The following ABCA10 variants were observed in gnomAD, a reference collection of about 807,000 sequenced individuals.
ABCA10 encodes the protein ATP-binding cassette sub-family A member 10.
Under a neutral mutation model 187.5 loss-of-function variants are expected in ABCA10, and 169 were observed. That is an observed-to-expected ratio of 0.90 (90% CI 0.80 to 1.02). ABCA10 has a LOEUF of 1.02. Ranked by LOEUF, ABCA10 falls within the 50% of genes least tolerant of loss-of-function variation. The pLI is 0.00. For missense variants in ABCA10, 1,727 were observed against 1,812.4 expected (o/e 0.95, Z 0.86); for synonymous variants, 574 against 601.8 (o/e 0.95, Z 0.68).
chr17:69,190,584 T>C (rs1437016422), intron 17 of ABCA10, 107 bp from the exon 18 acceptor site: 27 of 1,053,222 alleles, frequency 2.6e-5, no homozygotes, highest in African/African-American at 3.4e-5. Flanking sequence ...AATGTTTTCA[T>C]ATTAAAGCAA....
intron 11 of ABCA10, 78 bp downstream of exon 11, chr17:69,196,986 C>A: frequency 4.0e-6 from 4 of 1,010,196 alleles, no homozygotes; most frequent in Non-Finnish European, 5.5e-6. Flanking sequence ...CTCCGCTTGG[C>A]ATCAGAGGGA....
chr17:69,177,990 ATGT>A (rs1384509462), intron 22 of ABCA10, among the ~76,000 whole-genome samples: 4 of 131,562 alleles, frequency 3.0e-5, no homozygotes, highest in Non-Finnish European at 6.6e-5. Flanking sequence ...ATATATATAT[ATGT>A]TATATATATA....
intron 2 of ABCA10, among the ~76,000 whole-genome samples, chr17:69,225,817 AC>A (rs2074789400): frequency 6.6e-6 from 1 of 152,134 alleles, no homozygotes; most frequent in Non-Finnish European, 1.5e-5. Flanking sequence ...ATTTGAAGCA[AC>A]GTAAGTATAT....
rs1241246384 is a variant in ABCA10 at position 69,216,266 on chromosome 17, G to A, written c.623C>T (p.Thr208Ile). The A allele has an allele frequency of 1.2e-6, 2 of 1,613,618 alleles. No individual in the cohort carries two copies. Among genetic ancestry groups the A allele is most frequent in the Non-Finnish European group, 1.7e-6 (2 of 1,179,740 alleles). ...VITSIPIVFHTGFMVIFTLYS... is the reference protein window; with the variant it reads ...VITSIPIVFHIGFMVIFTLYS... ...GAGTGTGAATATCACCATGAAGCCA[G>A]TATGAAATACAATTGGGATTGATGT... Residue 208 changes from threonine to isoleucine, a missense_variant, in exon 7 of 39, where the codon ACT (threonine) becomes ATT (isoleucine). Coordinates refer to ENST00000690296, the MANE Select transcript of ABCA10 (RefSeq NM_001377321.1).
intron 27 of ABCA10, among the ~76,000 whole-genome samples, chr17:69,157,451 A>C (rs2074183170): frequency 6.6e-6 from 1 of 152,188 alleles, no homozygotes; most frequent in Non-Finnish European, 1.5e-5. Context: ...CCCTCAGGAT[A>C]TTGCTAACAT....
chr17:69,167,298 T>C (rs1339150479), intron 25 of ABCA10, among the ~76,000 whole-genome samples: 1 of 152,110 alleles, frequency 6.6e-6, no homozygotes, highest in African/African-American at 2.4e-5. Context: ...CACACAGTAC[T>C]CTATGGAAAG....
chr17:69,171,327 G>C (rs2074296052), intron 25 of ABCA10, among the ~76,000 whole-genome samples: 1 of 152,106 alleles, frequency 6.6e-6, no homozygotes, highest in Non-Finnish European at 1.5e-5. Context: ...GAACCAAAAA[G>C]AGTTTTGGAA....
chr17:69,152,164 GT>G lies in ABCA10; in HGVS notation c.4275del (p.Gln1425HisfsTer3). 6.2e-7 allele frequency: 1 copy of G among 1,612,130 alleles called. No homozygotes were observed. The highest frequency in any genetic ancestry group is 1.1e-5 in the South Asian group (1 of 90,528). ...SGTLRCIGSI[Q>X]HLKNKFGRDY... ...TCTCTACCAAACTTGTTTTTCAGATGTTGAATGGAACCAATACACCTAGTTC... is the reference window on the plus strand; with the variant it reads ...TCTCTACCAAACTTGTTTTTCAGATGTGAATGGAACCAATACACCTAGTTC... On this transcript the variant is annotated frameshift_variant, in exon 36 of 39. Coordinates refer to ENST00000690296, the MANE Select transcript of ABCA10 (RefSeq NM_001377321.1). LOFTEE classifies it high-confidence loss of function.
chr17:69,159,797 T>C (rs910861764), intron 27 of ABCA10, among the ~76,000 whole-genome samples: 3 of 152,134 alleles, frequency 2.0e-5, no homozygotes, highest in African/African-American at 7.2e-5. Context: ...AAATTTTTAT[T>C]TTAAAATAGA....
intron 11 of ABCA10, 138 bp downstream of exon 11, chr17:69,196,926 A>G (rs1167786927): frequency 1.6e-6 from 1 of 609,782 alleles, no homozygotes; most frequent in African/African-American, 1.9e-5. Flanking sequence ...CGGCAGGAGA[A>G]TCAGGCAGGG....
At position 69,214,817 on chromosome 17, in the gene ABCA10, A is replaced by G; in HGVS notation, c.893T>C (p.Ile298Thr). The change falls in exon 9 of 39, where the codon ATT becomes ACT. Residue 298 changes from isoleucine to threonine, a missense_variant. Ile to Thr is a moderately conservative substitution (Grantham distance 89). Coordinates refer to ENST00000690296, the MANE Select transcript of ABCA10 (RefSeq NM_001377321.1). ...THLDNYLSGV[I>T]FPDPSGDSYK... Reference sequence around the variant, plus strand: ...TGAATCCCCAGAGGGATCAGGAAAAATAACACCACTTAAGTAATTATCCAG... The same window carrying G: ...TGAATCCCCAGAGGGATCAGGAAAAGTAACACCACTTAAGTAATTATCCAG... The G allele has an allele frequency of 6.6e-7, 1 of 1,507,276 alleles. No homozygotes were observed. Among genetic ancestry groups the G allele is most frequent in the Non-Finnish European group, 8.8e-7 (1 of 1,132,652 alleles). 93.4% of individuals were successfully genotyped at this position (1,507,276 alleles called of 1,614,324 possible).
intron 36 of ABCA10, among the ~76,000 whole-genome samples, chr17:69,151,655 G>A (rs943803424): frequency 6.6e-6 from 1 of 152,152 alleles, no homozygotes; most frequent in Non-Finnish European, 1.5e-5. Context: ...AAGCATGGAA[G>A]TCTGTGTTAC....
intron 9 of ABCA10, among the ~76,000 whole-genome samples, chr17:69,202,210 G>A (rs1371246787): frequency 6.6e-6 from 1 of 152,116 alleles, no homozygotes; most frequent in African/African-American, 2.4e-5. Flanking sequence ...CTAGCTGTAG[G>A]GAATCATATC....
chr17:69,230,295 TGTG>T (rs1950932213), upstream of ABCA10, among the ~76,000 whole-genome samples: 1 of 152,096 alleles, frequency 6.6e-6, no homozygotes, highest in Non-Finnish European at 1.5e-5. Context: ...CAACTAAATC[TGTG>T]GTGTTCTGTT....
chr17:69,233,586 G>T (rs189070233), upstream of ABCA10: 1 of 152,148 alleles, frequency 6.6e-6, no homozygotes, highest in African/African-American at 2.4e-5. Flanking sequence ...TGTCCAGTTG[G>T]TAAGGTCATA....
intron 6 of ABCA10, among the ~76,000 whole-genome samples, chr17:69,217,832 A>C (rs2074717760): frequency 6.6e-6 from 1 of 152,196 alleles, no homozygotes. Context: ...TATATTTTTA[A>C]GAAAATTATA....
Position 69,155,013 on chromosome 17 carries a change from T to G in ABCA10, c.3694+6A>C, listed in dbSNP as rs372530243. On this transcript the variant is annotated splice_donor_region_variant and intron_variant, in intron 30 of 38. Transcript: ENST00000690296. Reference sequence around the variant, plus strand: ...TAATAATAATAAAAGGAACAATTGTTCAAACCTTTTTTAACACAAAAGGAA... The same window carrying G: ...TAATAATAATAAAAGGAACAATTGTGCAAACCTTTTTTAACACAAAAGGAA... 3 of 1,560,500 alleles carry G rather than the reference T, an allele frequency of 1.9e-6. No homozygotes were observed. In the Admixed American group the frequency reaches 5.1e-5, roughly 27 times the overall value.
upstream of ABCA10, chr17:69,232,876 T>A (rs1235529296): frequency 6.6e-6 from 1 of 152,200 alleles, no homozygotes; most frequent in Non-Finnish European, 1.5e-5. Flanking sequence ...TCTGAATACA[T>A]CATGTTCCAC....
In ABCA10 at chr17:69,185,569, T is replaced by C. The variant is rs2095297483; in HGVS notation, c.2405A>G (p.His802Arg). Residue 802 changes from histidine (H) to arginine (R), a missense_variant, in exon 20 of 39, where the codon CAT becomes CGT. By Grantham distance (29) the His-to-Arg change is conservative (BLOSUM62 0). Transcript: ENST00000690296. The stretch of plus-strand genomic sequence containing the variant: ...CATACTGGGTGAAAACTCCCAACAA[T>C]GAGTTTCACGAGTTACTTTATACAT... ...KIMYKVTRET[H>R]CWEFSPSMYF... The C allele has an allele frequency of 1.9e-6, 3 of 1,612,642 alleles. No individual in the cohort carries two copies. The African/African-American group carries it at 4.0e-5, about 22-fold the overall frequency.
Sources: gnomAD v4.1 joint callset for allele counts (sites outside exome capture counted in the v4.1 genomes callset) on GRCh38, gnomAD v4.1.1 for gene constraint, MANE v1.5 for transcripts, NCBI Gene and HGNC (gene_info 2026-07-23, HGNC 2026-07-21) for gene names.